The following LRP1B variants were observed in gnomAD, a reference collection of about 807,000 sequenced individuals.
LRP1B encodes low-density lipoprotein receptor-related protein 1B.
In LRP1B, 217 loss-of-function variants were observed where a neutral mutation model predicts 556.6. That is an observed-to-expected ratio of 0.39 (90% confidence interval 0.35 to 0.44). LRP1B has a LOEUF of 0.44. LRP1B is among the 20% of genes least tolerant of loss of function. The pLI is 1.00. For synonymous variants in LRP1B, 2,047 were observed against 1,865.8 expected (o/e 1.10, Z -2.50); for missense variants, 5,053 against 5,620.8 (o/e 0.90, Z 3.23).
At chr2:141,933,937 T>C (rs1319568245) in intron 1 of LRP1B, among the ~76,000 whole-genome samples, 1 of 151,916 alleles carries the variant, frequency 6.6e-6, no homozygotes, top group African/African-American at 2.4e-5. Context: ...ACACAAGTCA[T>C]CATGAGTAAG....
At chr2:141,643,679 G>C (rs1056775497) in intron 2 of LRP1B, among the ~76,000 whole-genome samples, 2 of 152,194 alleles carry the variant, frequency 1.3e-5, no homozygotes, top group African/African-American at 4.8e-5. Context: ...GGATCAAAGA[G>C]GAGTGCATTA....
chr2:140,269,216 G>T, intron 86 of LRP1B: 1 of 466,628 alleles, frequency 2.1e-6, no homozygotes. Context: ...ATGAACTGTG[G>T]CCTGAAATGA....
chr2:141,111,004 C>T lies in LRP1B; in HGVS notation c.1014-48731G>A, dbSNP rs183213591. Among the ~76,000 whole-genome samples the T allele has an allele frequency of 5.3e-5, 8 of 152,282 alleles. No individual in the cohort carries two copies. The East Asian group carries it at 1.4e-3, about 26-fold the overall frequency. On this transcript the variant is annotated intron_variant, in intron 7 of 90. Transcript: ENST00000389484. ...ATAGCCTCTTCCATTCAACAGTCTA[C>T]TTTGGAAAGAAGTGAATGAAATGGC...
intron 3 of LRP1B, among the ~76,000 whole-genome samples, chr2:141,326,906 T>A (rs959297667): frequency 4.6e-5 from 7 of 152,014 alleles, no homozygotes; most frequent in African/African-American, 1.7e-4. Context: ...CTGGCAGCAA[T>A]TTTGGGGCTG....
intron 86 of LRP1B, among the ~76,000 whole-genome samples, chr2:140,260,921 T>TG (rs1384130160): frequency 6.6e-6 from 1 of 151,008 alleles, no homozygotes; most frequent in African/African-American, 2.4e-5. Flanking sequence ...ACAAAGCCAA[T>TG]TTTTTTTTGT....
chr2:141,355,684 A>G (rs1048638442), intron 3 of LRP1B, among the ~76,000 whole-genome samples: 25 of 152,140 alleles, frequency 1.6e-4, no homozygotes, highest in Non-Finnish European at 3.5e-4. Flanking sequence ...CAAACATCAG[A>G]CCAAAAGTCA....
intron 75 of LRP1B, among the ~76,000 whole-genome samples, chr2:140,354,250 A>G (rs1184008694): frequency 6.6e-6 from 1 of 152,094 alleles, no homozygotes; most frequent in Non-Finnish European, 1.5e-5. Context: ...CAGTAAGAAT[A>G]ACTATCTTTT....
chr2:141,365,655 C>CTTTTTTTTTTTTTTTGGCTCTT (rs1334896367), intron 3 of LRP1B, among the ~76,000 whole-genome samples: 43 of 121,134 alleles, frequency 3.5e-4, no homozygotes, highest in African/African-American at 6.3e-4. Context: ...GTTTTTGTTG[C>CTTTTTTTTTTTTTTTGGCTCTT]TTTTTTTTTT....
At chr2:140,366,478 T>C (rs1012590621) in intron 71 of LRP1B, among the ~76,000 whole-genome samples, 1 of 151,698 alleles carries the variant, frequency 6.6e-6, no homozygotes, top group Non-Finnish European at 1.5e-5. Flanking sequence ...GGATAGGTTT[T>C]TGAGCTGTAA....
At chr2:140,477,844 A>T (rs1365100262) in intron 59 of LRP1B, among the ~76,000 whole-genome samples, 2 of 152,080 alleles carry the variant, frequency 1.3e-5, no homozygotes, top group Non-Finnish European at 2.9e-5. Flanking sequence ...ACCCTTTCTT[A>T]CTGGGCCCAA....
chr2:140,608,822 A>G (rs896417989), intron 41 of LRP1B, among the ~76,000 whole-genome samples: 7 of 149,740 alleles, frequency 4.7e-5, no homozygotes, highest in Non-Finnish European at 8.9e-5. Flanking sequence ...AGTGACAGTG[A>G]TTTGTTTCTT....
chr2:140,947,372 A>C (rs1222332402), intron 20 of LRP1B, among the ~76,000 whole-genome samples: 1 of 152,176 alleles, frequency 6.6e-6, no homozygotes, highest in Non-Finnish European at 1.5e-5. Flanking sequence ...AAATTGCACC[A>C]TATGCTCTGC....
intron 2 of LRP1B, among the ~76,000 whole-genome samples, chr2:141,690,396 A>AATAT (rs762453747): frequency 1.4e-3 from 37 of 26,794 alleles, no homozygotes; most frequent in African/African-American, 2.2e-3. Context: ...TACATCTATA[A>AATAT]ATATATATAT....
At chr2:140,603,623 C>A (rs1682757404) in intron 41 of LRP1B, among the ~76,000 whole-genome samples, 1 of 152,052 alleles carries the variant, frequency 6.6e-6, no homozygotes, top group Non-Finnish European at 1.5e-5. Flanking sequence ...CTTCGTATCA[C>A]CATTGAGATG....
chr2:140,421,537 A>C (rs1360645461), intron 66 of LRP1B, among the ~76,000 whole-genome samples: 2 of 152,188 alleles, frequency 1.3e-5, no homozygotes, highest in African/African-American at 4.8e-5. Flanking sequence ...TCTTTGTCTT[A>C]AAATACCATG....
At chr2:141,538,847 C>T (rs1189273193) in intron 2 of LRP1B, among the ~76,000 whole-genome samples, 2 of 152,020 alleles carry the variant, frequency 1.3e-5, no homozygotes, top group African/African-American at 2.4e-5. Flanking sequence ...TCATGTTGGC[C>T]AGGCTGGTCT....
At position 140,952,994 on chromosome 2, in the gene LRP1B, G is replaced by A. The variant is rs55882929; in HGVS notation, c.2888-1054C>T. Among the ~76,000 whole-genome samples, 770 of 152,106 alleles carry A rather than the reference G, an allele frequency of 5.1e-3. 7 individuals are homozygous for A. Among genetic ancestry groups the A allele is most frequent in the African/African-American group, 0.017 (726 of 41,494 alleles). On this transcript the variant is annotated intron_variant, in intron 18 of 90. Coordinates refer to ENST00000389484, the MANE Select transcript of LRP1B (RefSeq NM_018557.3). The stretch of plus-strand genomic sequence containing the variant: ...GCTCCTTTAAAAGATATTTAAAGAA[G>A]AAAAATAAGAAATAAGAAACTCTAT...
intron 15 of LRP1B, among the ~76,000 whole-genome samples, chr2:140,998,308 G>A (rs567912826): frequency 2.3e-4 from 35 of 152,162 alleles, no homozygotes; most frequent in African/African-American, 8.4e-4. Context: ...AAGAATTACT[G>A]TTTCTTTAGA....
At chr2:141,584,053 G>A (rs903811801) in intron 2 of LRP1B, among the ~76,000 whole-genome samples, 1 of 151,534 alleles carries the variant, frequency 6.6e-6, no homozygotes, top group African/African-American at 2.4e-5. Flanking sequence ...AGACTAGCTG[G>A]GCTACATGGT....
Sources: allele counts gnomAD v4.1 joint callset (sites outside exome capture counted in the v4.1 genomes callset), GRCh38; gene constraint gnomAD v4.1.1; transcripts MANE v1.5; gene names NCBI Gene and HGNC (gene_info 2026-07-23, HGNC 2026-07-21).